SYNE2: variants seen among roughly 807,000 people sequenced by gnomAD.
The protein encoded by SYNE2 is nesprin-2.
In SYNE2, 431 loss-of-function variants were observed where a neutral mutation model predicts 856.3. The observed-to-expected ratio is 0.50, with a 90% confidence interval of 0.47 to 0.55. The LOEUF (loss-of-function observed/expected upper bound fraction) is 0.55, where lower values mean the gene tolerates loss of function less well. Ranked by LOEUF, SYNE2 falls within the 20% of genes least tolerant of loss-of-function variation. The probability of loss-of-function intolerance (pLI) is 0.00; values close to 1 mark genes in which losing one functional copy is unlikely to be tolerated. For synonymous variants in SYNE2, 2,923 were observed against 2,872.3 expected, an observed-to-expected ratio of 1.02 and a Z score of -0.56; for missense variants, 8,129 against 8,023.2, an observed-to-expected ratio of 1.01 and a Z score of -0.50.
In SYNE2 at chr14:63,997,105, T is replaced by G; in HGVS notation, c.3099T>G (p.Ala1033=). Residue 1033 remains alanine (A), a synonymous_variant, in exon 24 of 116, where the codon GCT becomes GCG. Transcript: ENST00000555002. ...AGATAGAAAGACTTCTGAAATGTGCTTCCGAGATTCATATGACACTGCAGC... is the reference window on the plus strand; with the variant it reads ...AGATAGAAAGACTTCTGAAATGTGCGTCCGAGATTCATATGACACTGCAGC... The part of the protein sequence containing the change: ...EQKIERLLKC[A]SEIHMTLQPT... 2 of 1,614,140 alleles carry G rather than the reference T, an allele frequency of 1.2e-6. No individual in the cohort carries two copies. Among genetic ancestry groups the G allele is most frequent in the South Asian group, 2.2e-5 (2 of 91,078 alleles).
intron 23 of SYNE2, among the ~76,000 whole-genome samples, chr14:63,996,473 C>T (rs756337709): frequency 8.5e-5 from 13 of 152,152 alleles, no homozygotes; most frequent in Admixed American, 5.2e-4. Context: ...CAGGAAACCC[C>T]TTTAGCATCC....
intron 66 of SYNE2, among the ~76,000 whole-genome samples, chr14:64,116,633 C>T (rs908411384): frequency 2.0e-5 from 3 of 152,180 alleles, no homozygotes; most frequent in Non-Finnish European, 4.4e-5. Flanking sequence ...CCAGGGTGAT[C>T]TCGAACTCCT....
chr14:63,913,212 G>A (rs746900287), intron 2 of SYNE2, among the ~76,000 whole-genome samples: 9 of 152,152 alleles, frequency 5.9e-5, no homozygotes, highest in Non-Finnish European at 8.8e-5. Flanking sequence ...TGGGATTACA[G>A]GCGTAAGCCA....
intron 35 of SYNE2, 30 bp from the exon 36 acceptor site, chr14:64,021,285 T>C: frequency 1.3e-6 from 2 of 1,559,628 alleles, no homozygotes; most frequent in Non-Finnish European, 1.8e-6. Flanking sequence ...TAATGACTGT[T>C]ATACAACTTC....
intron 80 of SYNE2, among the ~76,000 whole-genome samples, chr14:64,141,110 A>T (rs187379808): frequency 2.0e-5 from 3 of 152,214 alleles, no homozygotes; most frequent in African/African-American, 4.8e-5. Flanking sequence ...ACTTATTTTT[A>T]AAAATGTTAA....
At chr14:64,186,803 C>G (rs1417598136) in intron 97 of SYNE2, among the ~76,000 whole-genome samples, 1 of 152,172 alleles carries the variant, frequency 6.6e-6, no homozygotes, top group Non-Finnish European at 1.5e-5. Flanking sequence ...TTTTAATGAG[C>G]TTTTTTAAAA....
rs984221121 is a variant in SYNE2, at chr14:64,129,461, G to A, written c.14020-321G>A. 3.3e-5 allele frequency among the ~76,000 whole-genome samples: 5 copies of A among 152,302 alleles called. No homozygotes were observed. The South Asian group carries it at 6.2e-4, about 19-fold the overall frequency. On this transcript the variant is annotated intron_variant, in intron 74 of 115. Transcript: ENST00000555002. ...CAATAGCATGCTGTGTGTCTGTTTC[G>A]AAGGAGCTAGATATGTGTATACCAA...
chr14:64,066,187 A>G (rs1041433456), intron 51 of SYNE2, among the ~76,000 whole-genome samples: 1 of 152,202 alleles, frequency 6.6e-6, no homozygotes, highest in African/African-American at 2.4e-5. Context: ...AACTATATTT[A>G]GAAAGAAAAT....
chr14:63,799,437 T>C (rs1034512811), intron 1 of SYNE2, among the ~76,000 whole-genome samples: 2 of 147,338 alleles, frequency 1.4e-5, no homozygotes, highest in South Asian at 2.1e-4. Flanking sequence ...GGCTCATGCC[T>C]ATAATCCCAG....
At chr14:64,033,059 T>A (rs2097054136) in intron 45 of SYNE2, among the ~76,000 whole-genome samples, 1 of 152,104 alleles carries the variant, frequency 6.6e-6, no homozygotes, top group Non-Finnish European at 1.5e-5. Flanking sequence ...TCCCAACTAT[T>A]TGGGAGGCTG....
chr14:64,112,597 T>C (rs1397979415), intron 65 of SYNE2, among the ~76,000 whole-genome samples: 1 of 152,202 alleles, frequency 6.6e-6, no homozygotes, highest in Non-Finnish European at 1.5e-5. Context: ...AACCCAGTTA[T>C]TTCAATGTAA....
intron 2 of SYNE2, among the ~76,000 whole-genome samples, chr14:63,934,669 GA>G (rs2095807732): frequency 6.6e-6 from 1 of 152,010 alleles, no homozygotes; most frequent in Admixed American, 6.6e-5. Flanking sequence ...CACCTCCTCT[GA>G]GGTTGTTGAG....
intron 66 of SYNE2, 131 bp from the exon 67 acceptor site, chr14:64,119,296 G>A (rs1410160531): frequency 8.1e-7 from 1 of 1,230,432 alleles, no homozygotes; most frequent in Admixed American, 2.3e-5. Flanking sequence ...TTTTTCCAGG[G>A]TTTCTTCCAT....
At chr14:63,998,151 G>A in intron 25 of SYNE2, 68 bp from the exon 26 acceptor site, 1 of 1,089,454 alleles carries the variant, frequency 9.2e-7, no homozygotes. Context: ...TTGAACATAA[G>A]CATTTATCTT....
At chr14:64,181,283 A>T (rs1459796043) in intron 96 of SYNE2, among the ~76,000 whole-genome samples, 1 of 152,202 alleles carries the variant, frequency 6.6e-6, no homozygotes, top group East Asian at 1.9e-4. Flanking sequence ...CAAGATTTCT[A>T]TGCCAAATTT....
intron 1 of SYNE2, among the ~76,000 whole-genome samples, chr14:63,789,814 G>C (rs915940437): frequency 1.3e-5 from 2 of 151,874 alleles, no homozygotes; most frequent in Non-Finnish European, 2.9e-5. Flanking sequence ...CTAAACTAAG[G>C]AGACCTCACC....
chr14:63,952,306 G>T (rs2096175172), intron 7 of SYNE2, among the ~76,000 whole-genome samples: 1 of 152,214 alleles, frequency 6.6e-6, no homozygotes, highest in African/African-American at 2.4e-5. Context: ...TCAAGGTGCT[G>T]AGGTCTGGCC....
chr14:64,183,117 G>A (rs1422688926), intron 96 of SYNE2, among the ~76,000 whole-genome samples: 1 of 151,740 alleles, frequency 6.6e-6, no homozygotes, highest in African/African-American at 2.4e-5. Flanking sequence ...TCACTTCTCG[G>A]ACGGGGCGGC....
intron 73 of SYNE2, among the ~76,000 whole-genome samples, chr14:64,128,235 T>G (rs1173909787): frequency 6.6e-6 from 1 of 151,996 alleles, no homozygotes; most frequent in African/African-American, 2.4e-5. Flanking sequence ...GAAAGGAGAT[T>G]AGGTACAGTT....
Sources: gnomAD v4.1 joint callset for allele counts (sites outside exome capture counted in the v4.1 genomes callset) on GRCh38, gnomAD v4.1.1 for gene constraint, MANE v1.5 for transcripts, NCBI Gene and HGNC (gene_info 2026-07-23, HGNC 2026-07-21) for gene names.